PASD1: variants seen among roughly 807,000 people sequenced by gnomAD.
The protein encoded by PASD1 is circadian clock protein PASD1.
In PASD1, 13 loss-of-function variants were observed where a neutral mutation model predicts 58.8. The observed-to-expected ratio is 0.22, with a 90% CI of 0.14 to 0.35. PASD1 has a LOEUF of 0.35. PASD1 is among the 10% of genes least tolerant of loss of function. The pLI is 1.00. For synonymous variants in PASD1, 236 were observed against 216.7 expected, an observed-to-expected ratio of 1.09 and a Z score of -0.78; for missense variants, 734 against 568.3, an observed-to-expected ratio of 1.29 and a Z score of -2.96.
At chrX:151,635,010 C>G (rs1309693087) in intron 8 of PASD1, among the ~76,000 whole-genome samples, 2 of 111,737 alleles carry the variant, frequency 1.8e-5, no homozygotes, top group African/African-American at 6.5e-5. Context: ...GAAGTTTCCC[C>G]TCTGCCTCAT....
chrX:151,672,873 C>A (rs1439241723), intron 14 of PASD1: 2 of 530,106 alleles, frequency 3.8e-6, no homozygotes, highest in Non-Finnish European at 5.8e-6. Context: ...ATTGATGGAA[C>A]AAAGGGGTAC....
At chrX:151,601,706 C>A in intron 2 of PASD1, 125 bp downstream of exon 2, 1 of 683,147 alleles carries the variant, frequency 1.5e-6, no homozygotes, top group Non-Finnish European at 2.2e-6. Flanking sequence ...AATGTGGTTT[C>A]TCCAGTGTTT....
chrX:151,625,450 A>G lies in PASD1; in HGVS notation c.549A>G (p.Gln183=), dbSNP rs761296663. 175 of 1,201,546 alleles carry G rather than the reference A, an allele frequency of 1.5e-4. No homozygotes were observed. In the South Asian group the frequency reaches 1.5e-3, roughly 10 times the overall value. Residue 183 remains glutamine (Q), a splice_region_variant and synonymous_variant, in exon 8 of 16, where the codon CAA becomes CAG. Transcript: ENST00000370357. ...TAAATATTTGAATTTTTCTGCAGCA[A>G]CTTTACACTTCAAAGGCAGTCAGTG... The part of the protein sequence containing the change: ...VCILRTQLLQ[Q]LYTSKAVSDE...
chrX:151,650,845 C>T lies in PASD1; in HGVS notation c.717+2143C>T, dbSNP rs750033998. ...TAGGCCACATTGCAGAGAGGGAGAA[C>T]ACATATGGAGCCCAGTGGACTGCCC... is the stretch of plus-strand genomic sequence containing the variant. On this transcript the variant is annotated intron_variant, in intron 9 of 15. Transcript: ENST00000370357. Among the ~76,000 whole-genome samples the T allele has an allele frequency of 3.6e-5, 4 of 111,573 alleles. No homozygotes were observed. The South Asian group carries it at 1.5e-3, about 43-fold the overall frequency.
At chrX:151,601,956 T>TA (rs777467138) in intron 2 of PASD1, among the ~76,000 whole-genome samples, 37 of 112,543 alleles carry the variant, frequency 3.3e-4, no homozygotes, top group Non-Finnish European at 6.2e-4. Flanking sequence ...TAAATTAACT[T>TA]ACTTTTCCAG....
chrX:151,605,434 C>T (rs2013476201), intron 3 of PASD1, among the ~76,000 whole-genome samples: 1 of 111,468 alleles, frequency 9.0e-6, no homozygotes, highest in African/African-American at 3.3e-5. Context: ...TACTGGCTGA[C>T]CACCCAGCAC....
chrX:151,618,474 A>G (rs1374410195), intron 4 of PASD1, among the ~76,000 whole-genome samples: 1 of 112,039 alleles, frequency 8.9e-6, no homozygotes, highest in Non-Finnish European at 1.9e-5. Context: ...GCTACATGAT[A>G]CGGTATTATT....
intron 11 of PASD1, among the ~76,000 whole-genome samples, chrX:151,666,641 T>G (rs2014387009): frequency 2.2e-5 from 2 of 89,161 alleles, no homozygotes; most frequent in Non-Finnish European, 4.4e-5. Context: ...GGTGTTTGGT[T>G]TTTTGTCCTT....
At chrX:151,667,431 G>A (rs1327459738) in intron 11 of PASD1, among the ~76,000 whole-genome samples, 1 of 111,658 alleles carries the variant, frequency 9.0e-6, no homozygotes, top group African/African-American at 3.3e-5. Flanking sequence ...ATTGCTTTCG[G>A]TGTTTTAGAC....
intron 15 of PASD1, among the ~76,000 whole-genome samples, chrX:151,674,486 T>A (rs1237548793): frequency 2.7e-5 from 3 of 112,955 alleles, no homozygotes; most frequent in Non-Finnish European, 5.6e-5. Flanking sequence ...TAATCTGAGC[T>A]CATCGTCTGG....
At chrX:151,620,123 C>T (rs977708453) in intron 4 of PASD1, among the ~76,000 whole-genome samples, 6 of 111,532 alleles carry the variant, frequency 5.4e-5, no homozygotes, top group Admixed American at 9.6e-5. Flanking sequence ...ATATGTATGG[C>T]GTACATGTGA....
At position 151,659,845 on chromosome X, in the gene PASD1, A is replaced by AT; in HGVS notation, c.841+12dup. ...TATGCCTGAATCTCCAGGTAGGTACATTTATGCATTTGGATAGGGACTATT... is the reference window on the plus strand; with the variant it reads ...TATGCCTGAATCTCCAGGTAGGTACATTTTATGCATTTGGATAGGGACTATT... On this transcript the variant is annotated intron_variant, in intron 10 of 15. Transcript: ENST00000370357. The AT allele has an allele frequency of 1.7e-6, 2 of 1,199,884 alleles. No individual in the cohort carries two copies. Among genetic ancestry groups the AT allele is most frequent in the Non-Finnish European group, 2.3e-6 (2 of 888,249 alleles).
chrX:151,584,591 G>A (rs1275430111), intron 1 of PASD1, among the ~76,000 whole-genome samples: 1 of 111,763 alleles, frequency 8.9e-6, no homozygotes, highest in Non-Finnish European at 1.9e-5. Flanking sequence ...GCCCTGGACA[G>A]TTATAGATAG....
intron 15 of PASD1, among the ~76,000 whole-genome samples, chrX:151,675,238 C>G (rs1208144097): frequency 8.9e-6 from 1 of 111,906 alleles, no homozygotes; most frequent in African/African-American, 3.3e-5. Context: ...TCGGAGCTTT[C>G]CTGTCCACAA....
intron 9 of PASD1, 109 bp downstream of exon 9, chrX:151,648,811 T>C: frequency 3.4e-6 from 3 of 887,517 alleles, no homozygotes; most frequent in Non-Finnish European, 3.1e-6. Context: ...ATGTGACACA[T>C]GAGCAGTGTT....
At chrX:151,653,198 T>A (rs5924988) in intron 9 of PASD1, among the ~76,000 whole-genome samples, 19,669 of 91,937 alleles carry the variant, frequency 0.21, 2,009 homozygotes, top group Middle Eastern at 0.32. Flanking sequence ...ATATATATAT[T>A]TTTTTTTTTT....
intron 10 of PASD1, among the ~76,000 whole-genome samples, chrX:151,663,734 C>T (rs1453950510): frequency 8.9e-6 from 1 of 112,090 alleles, no homozygotes; most frequent in Non-Finnish European, 1.9e-5. Flanking sequence ...GAACTTTGAG[C>T]ACTCCCGAGG....
chrX:151,582,088 G>A (rs2013106228), intron 1 of PASD1, among the ~76,000 whole-genome samples: 1 of 99,751 alleles, frequency 1.0e-5, no homozygotes, highest in African/African-American at 3.8e-5. Flanking sequence ...CCGGGTTCAC[G>A]TGATTCACCT....
intron 9 of PASD1, among the ~76,000 whole-genome samples, chrX:151,657,370 T>C (rs981381601): frequency 8.0e-5 from 9 of 112,024 alleles, no homozygotes; most frequent in Non-Finnish European, 1.7e-4. Context: ...GATGCTGGGC[T>C]CATAAAATGA....
Sources: allele counts gnomAD v4.1 joint callset (sites outside exome capture counted in the v4.1 genomes callset), GRCh38; gene constraint gnomAD v4.1.1; transcripts MANE v1.5; gene names NCBI Gene and HGNC (gene_info 2026-07-23, HGNC 2026-07-21).